Variants in SGCZ observed in about 807,000 individuals in gnomAD.
The protein encoded by SGCZ is sarcoglycan zeta, also known as zeta-sarcoglycan.
A neutral mutation model predicts 41.3 loss-of-function variants in SGCZ; 40 were observed. The observed-to-expected ratio is 0.97, with a 90% CI of 0.75 to 1.26. The LOEUF (loss-of-function observed/expected upper bound fraction) is 1.26. Among genes scored for constraint, SGCZ ranks in the 50% most tolerant of loss-of-function variants. SGCZ has a pLI of 0.00. For missense variants in SGCZ, 552 were observed against 369.8 expected (o/e 1.49, Z -4.04); for synonymous variants, 206 against 137.5 (o/e 1.50, Z -3.49).
chr8:14,335,691 G>C (rs898211992), intron 2 of SGCZ, among the ~76,000 whole-genome samples: 1 of 151,914 alleles, frequency 6.6e-6, no homozygotes, highest in Non-Finnish European at 1.5e-5. Flanking sequence ...CCTTTGTATA[G>C]AAATTCAGAC....
intron 1 of SGCZ, among the ~76,000 whole-genome samples, chr8:14,568,444 G>GAA (rs386360409): frequency 0.29 from 36,914 of 127,164 alleles, 5,519 homozygotes; most frequent in African/African-American, 0.4. Flanking sequence ...TACATTATCA[G>GAA]AAAAAAAAAA....
chr8:14,578,451 G>C (rs116206295), intron 1 of SGCZ, among the ~76,000 whole-genome samples: 2 of 152,094 alleles, frequency 1.3e-5, no homozygotes, highest in Non-Finnish European at 1.5e-5. Flanking sequence ...TGCAATGTAG[G>C]CTCACATTTT....
At chr8:14,311,045 G>C (rs781313958) in intron 3 of SGCZ, among the ~76,000 whole-genome samples, 1 of 152,102 alleles carries the variant, frequency 6.6e-6, no homozygotes, top group Non-Finnish European at 1.5e-5. Flanking sequence ...CCTAGTCACA[G>C]CTTCCTGGAC....
At chr8:14,347,269 C>T (rs986390374) in intron 2 of SGCZ, among the ~76,000 whole-genome samples, 1 of 152,118 alleles carries the variant, frequency 6.6e-6, no homozygotes, top group African/African-American at 2.4e-5. Context: ...AATTCCTACA[C>T]TGAAGAGAAC....
intron 3 of SGCZ, among the ~76,000 whole-genome samples, chr8:14,261,659 G>T (rs187919312): frequency 6.6e-6 from 1 of 152,110 alleles, no homozygotes; most frequent in African/African-American, 2.4e-5. Context: ...TGACCAAAGA[G>T]TAACGTTGAT....
In SGCZ at chr8:14,090,619, T is replaced by A; in HGVS notation, c.763A>T (p.Thr255Ser). The stretch of plus-strand genomic sequence containing the variant: ...GTTGGTAGATTTCCCAGCTTGATTG[T>A]CTCTGCATTTAAAAATATCTATGGG... The part of the protein sequence containing the change: ...TEGEIFLNAE[T>S]IKLGNLPTGS... The change falls in exon 8 of 8, where the codon ACA becomes TCA. Residue 255 changes from threonine to serine, a missense_variant. Thr to Ser is a moderately conservative substitution (Grantham distance 58). Transcript: ENST00000382080. 1 of 1,608,960 alleles carries A rather than the reference T, an allele frequency of 6.2e-7. No individual in the cohort carries two copies. The highest frequency in any genetic ancestry group is 1.1e-5 in the South Asian group (1 of 90,236).
intron 5 of SGCZ, among the ~76,000 whole-genome samples, chr8:14,153,223 A>T (rs770744159): frequency 5.9e-5 from 9 of 152,230 alleles, no homozygotes; most frequent in African/African-American, 2.2e-4. Context: ...ATGTACACTG[A>T]TAACTGTCTC....
chr8:14,217,115 G>T (rs1293941146), intron 4 of SGCZ, among the ~76,000 whole-genome samples: 1 of 151,992 alleles, frequency 6.6e-6, no homozygotes, highest in Non-Finnish European at 1.5e-5. Flanking sequence ...GTTAAACCCT[G>T]TCTATACTAA....
At chr8:14,515,505 A>G (rs10448133) in intron 2 of SGCZ, among the ~76,000 whole-genome samples, 106,714 of 151,958 alleles carry the variant, frequency 0.7, 37,434 homozygotes, top group South Asian at 0.78. Context: ...ATATTTCTAT[A>G]TAGTCAAGTA....
intron 1 of SGCZ, among the ~76,000 whole-genome samples, chr8:14,679,212 G>T (rs1163719123): frequency 6.6e-6 from 1 of 151,952 alleles, no homozygotes; most frequent in Non-Finnish European, 1.5e-5. Context: ...TGACTTACTG[G>T]TTCATATATT....
chr8:14,648,529 G>A (rs1314310966), intron 1 of SGCZ, among the ~76,000 whole-genome samples: 2 of 152,040 alleles, frequency 1.3e-5, no homozygotes, highest in Non-Finnish European at 2.9e-5. Context: ...AAGATTAAAG[G>A]TTCCAAACTG....
intron 5 of SGCZ, among the ~76,000 whole-genome samples, chr8:14,135,229 A>G (rs918059340): frequency 3.3e-5 from 5 of 152,226 alleles, no homozygotes; most frequent in Admixed American, 6.5e-5. Flanking sequence ...TAATAAAATA[A>G]ATTCAAAGCT....
chr8:14,873,500 A>C (rs1804240350), intron 1 of SGCZ, among the ~76,000 whole-genome samples: 1 of 152,144 alleles, frequency 6.6e-6, no homozygotes, highest in Admixed American at 6.6e-5. Flanking sequence ...GAAACTTGAA[A>C]GTGTTCTTTA....
chr8:14,558,596 GA>G (rs2117200678), intron 1 of SGCZ, among the ~76,000 whole-genome samples: 2 of 151,330 alleles, frequency 1.3e-5, no homozygotes, highest in East Asian at 2.0e-4. Context: ...GAGAGAGAGA[GA>G]GAGAGAGAGA....
intron 1 of SGCZ, among the ~76,000 whole-genome samples, chr8:14,994,225 T>C (rs1234347045): frequency 6.6e-6 from 1 of 152,226 alleles, no homozygotes; most frequent in Non-Finnish European, 1.5e-5. Flanking sequence ...TACAGAACCA[T>C]GGGCATCTTC....
chr8:15,151,405 C>T (rs1178265352), intron 1 of SGCZ, among the ~76,000 whole-genome samples: 4 of 152,164 alleles, frequency 2.6e-5, no homozygotes, highest in Non-Finnish European at 5.9e-5. Context: ...AATACATAAT[C>T]CCTTATTGAA....
intron 2 of SGCZ, among the ~76,000 whole-genome samples, chr8:14,378,933 C>T (rs1804250864): frequency 6.6e-6 from 1 of 152,124 alleles, no homozygotes; most frequent in African/African-American, 2.4e-5. Flanking sequence ...ACAAACTCAA[C>T]ATTGCTTCTT....
chr8:15,136,801 C>T (rs926109030), intron 1 of SGCZ, among the ~76,000 whole-genome samples: 1 of 152,110 alleles, frequency 6.6e-6, no homozygotes, highest in Non-Finnish European at 1.5e-5. Context: ...TACCCAGTCT[C>T]AGGTATTCTT....
chr8:14,796,290 C>A (rs1801126681), intron 1 of SGCZ, among the ~76,000 whole-genome samples: 1 of 152,066 alleles, frequency 6.6e-6, no homozygotes, highest in African/African-American at 2.4e-5. Flanking sequence ...TGCTGTTTTA[C>A]TTTTTATTTT....
Sources: gnomAD v4.1 joint callset for allele counts (sites outside exome capture counted in the v4.1 genomes callset) on GRCh38, gnomAD v4.1.1 for gene constraint, MANE v1.5 for transcripts, NCBI Gene and HGNC (gene_info 2026-07-23, HGNC 2026-07-21) for gene names.